Variants in CDH23 observed in about 807,000 individuals in gnomAD.
CDH23 encodes cadherin related 23, also known as cadherin-23.
A neutral mutation model predicts 317.1 loss-of-function variants in CDH23; 189 were observed. The observed-to-expected ratio is 0.60, with a 90% confidence interval of 0.53 to 0.67. CDH23 has a LOEUF of 0.67. CDH23 is among the 30% of genes least tolerant of loss of function. The pLI, the probability that CDH23 is intolerant of heterozygous loss-of-function variation, is 0.00. For synonymous variants in CDH23, 1,839 were observed against 1,876.8 expected, an observed-to-expected ratio of 0.98 and a Z score of 0.52; for missense variants, 4,401 against 4,592.4, an observed-to-expected ratio of 0.96 and a Z score of 1.20.
In CDH23 at chr10:71,691,444, G is replaced by T. The variant is rs139372215; in HGVS notation, c.2176+860G>T. Among the ~76,000 whole-genome samples, 816 of 152,198 alleles carry T rather than the reference G, an allele frequency of 5.4e-3. 12 individuals are homozygous for T. Among genetic ancestry groups the T allele is most frequent in the African/African-American group, 0.019 (784 of 41,522 alleles). On this transcript the variant is annotated intron_variant, in intron 20 of 69. Transcript: ENST00000224721. ...CTAGTCAGCTCAGTGGGCATGCAAG[G>T]CACCCCACTTCCAATACGCATTTCT...
chr10:71,424,418 G>A (rs871118), intron 1 of CDH23, among the ~76,000 whole-genome samples: 46,716 of 152,144 alleles, frequency 0.31, 7,374 homozygotes, highest in Middle Eastern at 0.45. Flanking sequence ...AATTATGTGG[G>A]GAGGAAGTGG....
intron 6 of CDH23, among the ~76,000 whole-genome samples, chr10:71,553,221 C>T (rs1161008163): frequency 6.6e-6 from 1 of 152,154 alleles, no homozygotes; most frequent in African/African-American, 2.4e-5. Flanking sequence ...CTGATTGAAG[C>T]TTAAGCCATT....
intron 9 of CDH23, among the ~76,000 whole-genome samples, chr10:71,595,291 G>T (rs1394234502): frequency 6.6e-6 from 1 of 152,104 alleles, no homozygotes; most frequent in Non-Finnish European, 1.5e-5. Context: ...TAATTAGTCT[G>T]CCCGTTCCCC....
At chr10:71,712,959 G>GA (rs34384651) in intron 28 of CDH23, 146 bp downstream of exon 28, 2 of 987,488 alleles carry the variant, frequency 2.0e-6, no homozygotes, top group Non-Finnish European at 3.1e-6. Flanking sequence ...GTGCTGTGGG[G>GA]AAAGGGGGAC....
intron 38 of CDH23, among the ~76,000 whole-genome samples, chr10:71,767,411 G>C (rs1174628057): frequency 6.6e-6 from 1 of 152,236 alleles, no homozygotes; most frequent in Non-Finnish European, 1.5e-5. Flanking sequence ...CCAGCTGCTA[G>C]AGGTTGTCAA....
chr10:71,600,636 C>A (rs1255314276), intron 9 of CDH23, among the ~76,000 whole-genome samples: 1 of 151,818 alleles, frequency 6.6e-6, no homozygotes, highest in Non-Finnish European at 1.5e-5. Flanking sequence ...CCTGCCTCAG[C>A]CTCCTGAGTA....
At position 71,702,471 on chromosome 10, in the gene CDH23, A is replaced by G. The variant is rs1449827108; in HGVS notation, c.2588-78A>G. On this transcript the variant is annotated intron_variant, in intron 23 of 69. Coordinates refer to ENST00000224721, the MANE Select transcript of CDH23 (RefSeq NM_022124.6). ...GCTCTGAATCTGCCACCCTCTCACC[A>G]CTTGCCTTCTTCCTGTCCGTTTTCT... 2.2e-4 allele frequency: 346 copies of G among 1,571,134 alleles called. 2 individuals are homozygous for G. The highest frequency in any genetic ancestry group is 1.7e-5 in the Non-Finnish European group (20 of 1,145,424).
At chr10:71,635,661 G>C (rs1413510044) in intron 11 of CDH23, among the ~76,000 whole-genome samples, 1 of 151,716 alleles carries the variant, frequency 6.6e-6, no homozygotes, top group Non-Finnish European at 1.5e-5. Context: ...GTTGGAGAGG[G>C]AGAGATTGGA....
chr10:71,445,409 T>C (rs1346311738), intron 2 of CDH23, among the ~76,000 whole-genome samples: 2 of 152,224 alleles, frequency 1.3e-5, no homozygotes, highest in African/African-American at 4.8e-5. Context: ...TGTCAGGCCC[T>C]GTTCTGGGCA....
chr10:71,664,711 G>T (rs1863813643), intron 14 of CDH23, among the ~76,000 whole-genome samples: 6 of 152,214 alleles, frequency 3.9e-5, no homozygotes, highest in Admixed American at 3.9e-4. Flanking sequence ...AATTCCCTGA[G>T]GTGGGTGCTC....
chr10:71,551,893 C>T (rs1856617468), intron 6 of CDH23, among the ~76,000 whole-genome samples: 1 of 152,182 alleles, frequency 6.6e-6, no homozygotes, highest in Non-Finnish European at 1.5e-5. Context: ...CATCATCCAG[C>T]CTTTAGAGCT....
chr10:71,589,635 T>G (rs1027600294), intron 9 of CDH23, among the ~76,000 whole-genome samples: 1 of 152,128 alleles, frequency 6.6e-6, no homozygotes, highest in Non-Finnish European at 1.5e-5. Context: ...GGGTTTGTTC[T>G]CCCCAGGAAA....
At chr10:71,734,385 C>A in intron 33 of CDH23, 44 bp downstream of exon 33, 1 of 1,555,972 alleles carries the variant, frequency 6.4e-7, no homozygotes, top group Non-Finnish European at 8.7e-7. Flanking sequence ...CGGCCCATCG[C>A]TGGCCATGAC....
intron 14 of CDH23, among the ~76,000 whole-genome samples, chr10:71,670,851 C>T (rs1317109684): frequency 1.3e-5 from 2 of 152,098 alleles, no homozygotes; most frequent in Non-Finnish European, 2.9e-5. Flanking sequence ...CCTCTGAGTG[C>T]CAGCCTAGAG....
chr10:71,530,772 C>G (rs1855329185), intron 6 of CDH23, among the ~76,000 whole-genome samples: 1 of 152,218 alleles, frequency 6.6e-6, no homozygotes, highest in African/African-American at 2.4e-5. Flanking sequence ...GCAGTTAATC[C>G]TTACCGAACA....
intron 11 of CDH23, among the ~76,000 whole-genome samples, chr10:71,620,939 A>C (rs1861438038): frequency 1.3e-5 from 2 of 152,098 alleles, no homozygotes; most frequent in Admixed American, 6.5e-5. Context: ...AGGAATCCGG[A>C]GCTGGCCGGG....
chr10:71,785,735 GA>G lies in CDH23; in HGVS notation c.5818del (p.Arg1940GlyfsTer7). The stretch of plus-strand genomic sequence containing the variant: ...ACCCGGAGAATCCACGCATAGCCAG[GA>G]GGGTGAGACTGGAGGGCACTGGTGG... ...DNPENPRIARRDYDLLLIFLS... is the reference protein window; with the variant it reads ...DNPENPRIARXDYDLLLIFLS... On this transcript the variant is annotated frameshift_variant and splice_region_variant, in exon 44 of 70. Coordinates refer to ENST00000224721, the MANE Select transcript of CDH23 (RefSeq NM_022124.6). LOFTEE classifies it high-confidence loss of function. The G allele has an allele frequency of 6.3e-7, 1 of 1,593,306 alleles. No homozygotes were observed.
intron 28 of CDH23, among the ~76,000 whole-genome samples, chr10:71,722,419 G>C (rs1043148317): frequency 4.6e-5 from 7 of 152,220 alleles, no homozygotes; most frequent in Non-Finnish European, 7.3e-5. Flanking sequence ...ATGCAAACCA[G>C]GGCTGAATGT....
intron 20 of CDH23, among the ~76,000 whole-genome samples, chr10:71,692,306 GCTCC>G (rs1865213982): frequency 6.6e-6 from 1 of 152,154 alleles, no homozygotes; most frequent in African/African-American, 2.4e-5. Context: ...CCCAGTCGGG[GCTCC>G]AGCTCCACCT....
Sources: gnomAD v4.1 joint callset for allele counts (sites outside exome capture counted in the v4.1 genomes callset) on GRCh38, gnomAD v4.1.1 for gene constraint, MANE v1.5 for transcripts, NCBI Gene and HGNC (gene_info 2026-07-23, HGNC 2026-07-21) for gene names.